The following LRP1B variants were observed in gnomAD, a reference collection of about 807,000 sequenced individuals.
The protein encoded by LRP1B is low-density lipoprotein receptor-related protein 1B.
LRP1B carries 217 observed loss-of-function variants against 556.6 expected under a neutral mutation model. The observed-to-expected ratio is 0.39, with a 90% confidence interval of 0.35 to 0.44. The LOEUF (loss-of-function observed/expected upper bound fraction) is 0.44, where lower values mean the gene tolerates loss of function less well. LRP1B is among the 20% of genes least tolerant of loss of function. LRP1B has a pLI of 1.00. For missense variants in LRP1B, 5,053 were observed against 5,620.8 expected (o/e 0.90, Z 3.23); for synonymous variants, 2,047 against 1,865.8 (o/e 1.10, Z -2.50).
Position 140,514,782 on chromosome 2 carries a change from A to C in LRP1B, c.8150-10T>G, listed in dbSNP as rs1446341149. The C allele has an allele frequency of 1.9e-6, 3 of 1,603,812 alleles. No homozygotes were observed. The highest frequency in any genetic ancestry group is 1.4e-5 in the African/African-American group (1 of 73,482). ...CAAGAGCAAGAAGAATCTAGGAAAC[A>C]AACAAAAGGAAAAAAAAAAATAGTT... On this transcript the variant is annotated splice_polypyrimidine_tract_variant and intron_variant, in intron 50 of 90. Coordinates refer to ENST00000389484, the MANE Select transcript of LRP1B (RefSeq NM_018557.3).
intron 35 of LRP1B, among the ~76,000 whole-genome samples, chr2:140,741,565 C>T (rs947565625): frequency 6.6e-6 from 1 of 151,818 alleles, no homozygotes; most frequent in African/African-American, 2.4e-5. Context: ...GTTTGGTGTA[C>T]AAATAATTTT....
At chr2:140,300,012 G>A (rs566993145) in intron 83 of LRP1B, among the ~76,000 whole-genome samples, 4 of 151,808 alleles carry the variant, frequency 2.6e-5, no homozygotes, top group Admixed American at 6.6e-5. Context: ...AGAAACAAAC[G>A]GTACCTGCTG....
chr2:141,913,134 G>A (rs1398207303), intron 1 of LRP1B, among the ~76,000 whole-genome samples: 2 of 152,108 alleles, frequency 1.3e-5, no homozygotes, highest in East Asian at 3.9e-4. Context: ...TCTGAAGATG[G>A]TGGTGATGGT....
chr2:141,987,492 C>T (rs1212743474), intron 1 of LRP1B, among the ~76,000 whole-genome samples: 1 of 151,244 alleles, frequency 6.6e-6, no homozygotes, highest in Non-Finnish European at 1.5e-5. Context: ...CGACACAGTG[C>T]AATTAGCAAC....
chr2:141,764,471 C>G lies in LRP1B; in HGVS notation c.205+45808G>C, dbSNP rs762506491. Among the ~76,000 whole-genome samples, 2 of 152,142 alleles carry G rather than the reference C, an allele frequency of 1.3e-5. 1 individual carries two copies. Among genetic ancestry groups the G allele is most frequent in the South Asian group, 4.1e-4 (2 of 4,830 alleles). On this transcript the variant is annotated intron_variant, in intron 2 of 90. Coordinates refer to ENST00000389484, the MANE Select transcript of LRP1B (RefSeq NM_018557.3). ...TGCTGGGATTACAGGCGTGAGCCAC[C>G]GCGCCAGGCACAAGACAGTGTCTTT...
At chr2:141,126,113 C>G (rs1002101274) in intron 7 of LRP1B, among the ~76,000 whole-genome samples, 1 of 151,722 alleles carries the variant, frequency 6.6e-6, no homozygotes, top group African/African-American at 2.4e-5. Context: ...CTCACTGCAA[C>G]CTCTGCCTCC....
At chr2:141,501,758 G>A (rs1683719962) in intron 2 of LRP1B, among the ~76,000 whole-genome samples, 1 of 152,140 alleles carries the variant, frequency 6.6e-6, no homozygotes, top group African/African-American at 2.4e-5. Flanking sequence ...GATTGACATA[G>A]AAAGTTACAA....
At chr2:141,602,144 T>G (rs1687769495) in intron 2 of LRP1B, among the ~76,000 whole-genome samples, 1 of 152,102 alleles carries the variant, frequency 6.6e-6, no homozygotes, top group Admixed American at 6.6e-5. Flanking sequence ...TAGAAACAAC[T>G]TTCTAGTTTT....
In LRP1B at chr2:141,059,072, CATAA is replaced by C; in HGVS notation, c.1237-22_1237-19del. The C allele has an allele frequency of 7.1e-7, 1 of 1,404,942 alleles. No individual in the cohort carries two copies. The highest frequency in any genetic ancestry group is 2.6e-5 in the East Asian group (1 of 38,906). The allele number at this position is 1,404,942 out of a possible 1,614,324, so 87.0% of individuals were successfully genotyped here. A position where few individuals can be genotyped will look rare whatever the true frequency, so the allele number is the denominator to read the frequency against. On this transcript the variant is annotated intron_variant, in intron 8 of 90. Coordinates refer to ENST00000389484, the MANE Select transcript of LRP1B (RefSeq NM_018557.3). ...TGTCTAACCTATAAAGAGGGCAAAA[CATAA>C]CTATGATTTTTAATTATGTAGCTTG...
intron 2 of LRP1B, among the ~76,000 whole-genome samples, chr2:141,750,925 C>T (rs1694087680): frequency 6.6e-6 from 1 of 151,906 alleles, no homozygotes; most frequent in African/African-American, 2.4e-5. Flanking sequence ...GAATGAATTT[C>T]ATGATAAAAC....
chr2:140,395,728 G>A (rs1684218838), intron 66 of LRP1B, among the ~76,000 whole-genome samples: 1 of 152,172 alleles, frequency 6.6e-6, no homozygotes, highest in Non-Finnish European at 1.5e-5. Flanking sequence ...TAATAAGCTA[G>A]CTTTGTAGAG....
At position 140,978,817 on chromosome 2, in the gene LRP1B, A is replaced by T. The variant is rs111773633; in HGVS notation, c.2887+3343T>A. On this transcript the variant is annotated intron_variant, in intron 18 of 90. Transcript: ENST00000389484. The stretch of plus-strand genomic sequence containing the variant: ...AGGTAAAACATGTTTCCTTGGTTGT[A>T]AAGAAGAAATGGTACTGATACTAAC... 2.9e-3 allele frequency among the ~76,000 whole-genome samples: 447 copies of T among 152,306 alleles called. 2 individuals carry two copies. Among genetic ancestry groups the T allele is most frequent in the African/African-American group, 0.011 (438 of 41,576 alleles).
chr2:141,959,391 T>C (rs1701344178), intron 1 of LRP1B, among the ~76,000 whole-genome samples: 1 of 151,982 alleles, frequency 6.6e-6, no homozygotes, highest in South Asian at 2.1e-4. Flanking sequence ...AGAGCTTTGC[T>C]TCCACAACTA....
In LRP1B at chr2:141,020,738, G is replaced by A. The variant is rs77338697; in HGVS notation, c.1790-636C>T. 4.7e-3 allele frequency among the ~76,000 whole-genome samples: 718 copies of A among 152,126 alleles called. 7 individuals carry two copies. Among genetic ancestry groups the A allele is most frequent in the African/African-American group, 0.017 (698 of 41,550 alleles). ...TACAGGATTATATGAGATACAGGCA[G>A]TGATAATTCAAATGTAATAGACAAA... On this transcript the variant is annotated intron_variant, in intron 11 of 90. Transcript: ENST00000389484.
chr2:141,351,004 A>G (rs1016851392), intron 3 of LRP1B, among the ~76,000 whole-genome samples: 1 of 152,064 alleles, frequency 6.6e-6, no homozygotes, highest in Non-Finnish European at 1.5e-5. Flanking sequence ...AAAAATTTCA[A>G]TACATATCCA....
chr2:140,598,617 C>T lies in LRP1B; in HGVS notation c.7194+14G>A. The T allele has an allele frequency of 6.3e-7, 1 of 1,596,266 alleles. No individual in the cohort carries two copies. The highest frequency in any genetic ancestry group is 2.2e-5 in the East Asian group (1 of 44,704). ...TGTATAACTCTATAACCAAGAAATTCCTGATTAACTTACATGTCTCTGGGA... is the reference window on the plus strand; with the variant it reads ...TGTATAACTCTATAACCAAGAAATTTCTGATTAACTTACATGTCTCTGGGA... On this transcript the variant is annotated intron_variant, in intron 43 of 90. Coordinates refer to ENST00000389484, the MANE Select transcript of LRP1B (RefSeq NM_018557.3).
intron 68 of LRP1B, among the ~76,000 whole-genome samples, chr2:140,375,540 T>C (rs1292152606): frequency 6.6e-6 from 1 of 152,150 alleles, no homozygotes; most frequent in Non-Finnish European, 1.5e-5. Context: ...CAAGATCTTA[T>C]ACTGATACTT....
chr2:141,260,500 G>GCAAA (rs10669909), intron 3 of LRP1B, among the ~76,000 whole-genome samples: 152,074 of 152,290 alleles, frequency 1, 75,929 homozygotes, highest in Non-Finnish European at 1. Flanking sequence ...TTAGAAGTTG[G>GCAAA]CAGTTTCCAA....
chr2:140,442,698 A>G lies in LRP1B; in HGVS notation c.10295-75T>C, dbSNP rs1686484500. On this transcript the variant is annotated intron_variant, in intron 65 of 90. Coordinates refer to ENST00000389484, the MANE Select transcript of LRP1B (RefSeq NM_018557.3). ...TTATTAAAAGCAAATTTTACAGACAAATGTTTAAGACAGTTTATCGAAAAA... is the reference window on the plus strand; with the variant it reads ...TTATTAAAAGCAAATTTTACAGACAGATGTTTAAGACAGTTTATCGAAAAA... 2.0e-5 allele frequency: 29 copies of G among 1,446,246 alleles called. No individual in the cohort carries two copies. The South Asian group carries it at 3.4e-4, about 17-fold the overall frequency. The allele number at this position is 1,446,246 out of a possible 1,614,324, so 89.6% of individuals were successfully genotyped here. A position where few individuals can be genotyped will look rare whatever the true frequency, so the allele number is the denominator to read the frequency against.
Sources: gnomAD v4.1 joint callset for allele counts (sites outside exome capture counted in the v4.1 genomes callset) on GRCh38, gnomAD v4.1.1 for gene constraint, MANE v1.5 for transcripts, NCBI Gene and HGNC (gene_info 2026-07-23, HGNC 2026-07-21) for gene names.